ZNF385D: variants seen among roughly 807,000 people sequenced by gnomAD.
The protein encoded by ZNF385D is zinc finger protein 659.
A neutral mutation model predicts 35.8 loss-of-function variants in ZNF385D; 15 were observed. The ratio of observed to expected loss-of-function variants is 0.42; its 90% CI spans 0.28 to 0.64. ZNF385D has a LOEUF of 0.64. Ranked by LOEUF, ZNF385D falls within the 30% of genes least tolerant of loss-of-function variation. The pLI, the probability that ZNF385D is intolerant of heterozygous loss-of-function variation, is 0.23. For missense variants in ZNF385D, 474 were observed against 494.6 expected (o/e 0.96, Z 0.39); for synonymous variants, 212 against 186.8 (o/e 1.13, Z -1.10).
chr3:21,487,272 A>G (rs1490062119), intron 4 of ZNF385D, among the ~76,000 whole-genome samples: 2 of 148,238 alleles, frequency 1.3e-5, no homozygotes, highest in Admixed American at 6.9e-5. Flanking sequence ...TTCATTTGCT[A>G]CTCTGATCCT....
intron 2 of ZNF385D, among the ~76,000 whole-genome samples, chr3:21,599,780 G>A (rs768222800): frequency 2.0e-5 from 3 of 152,126 alleles, no homozygotes; most frequent in Non-Finnish European, 4.4e-5. Flanking sequence ...CCTACCTATG[G>A]AGACTGGACT....
At chr3:22,337,351 G>A (rs1180239730) in intron 2 of ZNF385D, among the ~76,000 whole-genome samples, 1 of 151,998 alleles carries the variant, frequency 6.6e-6, no homozygotes, top group Non-Finnish European at 1.5e-5. Context: ...CTGGACAACA[G>A]GGTGAAACCC....
At chr3:22,099,087 CTACT>C (rs1407346503) in intron 3 of ZNF385D, among the ~76,000 whole-genome samples, 3 of 151,986 alleles carry the variant, frequency 2.0e-5, no homozygotes, top group African/African-American at 7.2e-5. Flanking sequence ...AGTTAGGGTA[CTACT>C]TAAATAAAAT....
intron 3 of ZNF385D, among the ~76,000 whole-genome samples, chr3:21,792,104 A>T (rs571213902): frequency 1.3e-5 from 2 of 152,300 alleles, no homozygotes; most frequent in South Asian, 2.1e-4. Flanking sequence ...GAGGGCCCAA[A>T]CTTTGGGACT....
At chr3:22,189,156 A>C (rs1695849346) in intron 2 of ZNF385D, among the ~76,000 whole-genome samples, 1 of 152,108 alleles carries the variant, frequency 6.6e-6, no homozygotes, top group Non-Finnish European at 1.5e-5. Context: ...TCATATACTA[A>C]AGTTGGCCCC....
intron 2 of ZNF385D, among the ~76,000 whole-genome samples, chr3:21,583,448 C>G (rs9877267): frequency 0.17 from 25,936 of 152,130 alleles, 2,291 homozygotes; most frequent in African/African-American, 0.23. Context: ...GCAACAAATA[C>G]AAGGGTACAA....
chr3:21,612,916 A>G (rs2064728771), intron 2 of ZNF385D, among the ~76,000 whole-genome samples: 1 of 150,682 alleles, frequency 6.6e-6, no homozygotes. Context: ...AGGTAAACAC[A>G]CCCAATCTTG....
chr3:21,682,041 A>T (rs1195640731), intron 1 of ZNF385D, among the ~76,000 whole-genome samples: 1 of 152,172 alleles, frequency 6.6e-6, no homozygotes, highest in Non-Finnish European at 1.5e-5. Context: ...CAACCACAGT[A>T]AGTCTAACTG....
In ZNF385D at chr3:21,638,082, A is replaced by G. The variant is rs117928145; in HGVS notation, c.165+26804T>C. Among the ~76,000 whole-genome samples, 10 of 152,292 alleles carry G rather than the reference A, an allele frequency of 6.6e-5. 1 individual carries two copies. In the South Asian group the frequency reaches 1.7e-3, roughly 25 times the overall value. ...TACTGGTCATTACATTGTGCTGGAC[A>G]TATTAGCAGAGAAACTTTAGCCAGC... On this transcript the variant is annotated intron_variant, in intron 2 of 7. Transcript: ENST00000281523.
chr3:22,163,960 A>T (rs1463714), intron 3 of ZNF385D, among the ~76,000 whole-genome samples: 128,542 of 152,216 alleles, frequency 0.84, 54,944 homozygotes, highest in East Asian at 1. Context: ...ATTTTTAGCT[A>T]GGTTTCTGTG....
At chr3:21,582,246 T>C (rs1308815474) in intron 2 of ZNF385D, among the ~76,000 whole-genome samples, 1 of 152,126 alleles carries the variant, frequency 6.6e-6, no homozygotes, top group African/African-American at 2.4e-5. Flanking sequence ...ATAAACTGGA[T>C]CTGAATCTGG....
rs149062050 is a variant in ZNF385D at position 22,299,018 on chromosome 3, T to C, written c.106+73432A>G. On this transcript the variant is annotated intron_variant, in intron 2 of 5. Coordinates refer to the ZNF385D transcript ENST00000494108. ...TTGAGGTCCTTTTATGATTACAATA[T>C]ATCACAGAGTAGTTTTTAACACAAT... 1.7e-3 allele frequency among the ~76,000 whole-genome samples: 262 copies of C among 152,060 alleles called. 1 individual carries two copies. Among genetic ancestry groups the C allele is most frequent in the African/African-American group, 6.3e-3 (260 of 41,546 alleles).
intron 3 of ZNF385D, among the ~76,000 whole-genome samples, chr3:22,129,213 T>A (rs771882312): frequency 7.2e-5 from 11 of 152,176 alleles, no homozygotes; most frequent in Admixed American, 1.3e-4. Context: ...TCTGCTGAGC[T>A]ACCTAGAGCT....
intron 2 of ZNF385D, among the ~76,000 whole-genome samples, chr3:22,319,072 A>G (rs113131942): frequency 0.016 from 2,481 of 152,254 alleles, 63 homozygotes; most frequent in East Asian, 0.093. Context: ...TATATCAAAA[A>G]TTAGCATAAA....
chr3:22,178,164 A>G (rs1019101656), intron 2 of ZNF385D, among the ~76,000 whole-genome samples: 1 of 152,204 alleles, frequency 6.6e-6, no homozygotes, highest in Non-Finnish European at 1.5e-5. Context: ...CGCCACACCG[A>G]CTTCCACAAT....
At chr3:22,173,194 A>G (rs1263535259) in intron 2 of ZNF385D, among the ~76,000 whole-genome samples, 1 of 152,234 alleles carries the variant, frequency 6.6e-6, no homozygotes, top group African/African-American at 2.4e-5. Context: ...AGAAATTGTT[A>G]CAGCCCAGTG....
At chr3:22,171,412 T>C (rs1020418736) in intron 2 of ZNF385D, among the ~76,000 whole-genome samples, 4 of 152,188 alleles carry the variant, frequency 2.6e-5, no homozygotes, top group African/African-American at 9.6e-5. Flanking sequence ...ACATGAGAAA[T>C]TCCCTGCTCA....
At chr3:21,568,099 A>G (rs2063211378) in intron 2 of ZNF385D, among the ~76,000 whole-genome samples, 1 of 152,186 alleles carries the variant, frequency 6.6e-6, no homozygotes, top group Non-Finnish European at 1.5e-5. Context: ...TGGATTTCAC[A>G]AACTATAGAT....
chr3:22,186,830 T>C (rs1328016904), intron 2 of ZNF385D, among the ~76,000 whole-genome samples: 1 of 152,154 alleles, frequency 6.6e-6, no homozygotes, highest in East Asian at 1.9e-4. Flanking sequence ...AACTGGTATT[T>C]TATGAAGGAC....
Sources: gnomAD v4.1 joint callset for allele counts (sites outside exome capture counted in the v4.1 genomes callset) on GRCh38, gnomAD v4.1.1 for gene constraint, MANE v1.5 for transcripts, NCBI Gene and HGNC (gene_info 2026-07-23, HGNC 2026-07-21) for gene names.